The following CCDC146 variants were observed in gnomAD, a reference collection of about 807,000 sequenced individuals.
The protein encoded by CCDC146 is coiled-coil domain containing 146, also known as coiled-coil domain-containing protein 146.
Under a neutral mutation model 119.3 loss-of-function variants are expected in CCDC146, and 92 were observed. The observed-to-expected ratio is 0.77, with a 90% CI of 0.65 to 0.92. CCDC146 has a LOEUF of 0.92. CCDC146 is among the 40% of genes least tolerant of loss of function. CCDC146 has a pLI of 0.00. For missense variants in CCDC146, 1,000 were observed against 1,103.0 expected (o/e 0.91, Z 1.32); for synonymous variants, 372 against 371.8 (o/e 1.00, Z -0.01).
intron 2 of CCDC146, among the ~76,000 whole-genome samples, chr7:77,190,250 T>C (rs569321613): frequency 1.3e-5 from 2 of 152,366 alleles, no homozygotes; most frequent in South Asian, 4.1e-4. Context: ...GACTCAAACA[T>C]GTCTTCTCAA....
At chr7:77,161,803 A>G (rs1325978253) in intron 1 of CCDC146, among the ~76,000 whole-genome samples, 1 of 152,098 alleles carries the variant, frequency 6.6e-6, no homozygotes, top group Non-Finnish European at 1.5e-5. Context: ...TAAAAGAAAA[A>G]AAAATTACTA....
chr7:77,250,423 A>G (rs951550508), intron 4 of CCDC146, among the ~76,000 whole-genome samples: 28 of 152,302 alleles, frequency 1.8e-4, no homozygotes, highest in African/African-American at 6.5e-4. Context: ...TTTCTCCTTT[A>G]CTTTGGAGAA....
chr7:77,178,831 T>G (rs996228828), intron 2 of CCDC146, among the ~76,000 whole-genome samples: 18 of 152,218 alleles, frequency 1.2e-4, no homozygotes, highest in African/African-American at 4.3e-4. Flanking sequence ...TAGGTGAATG[T>G]GCATCTTGTA....
intron 2 of CCDC146, among the ~76,000 whole-genome samples, chr7:77,174,283 G>C (rs1185259387): frequency 6.6e-6 from 1 of 152,128 alleles, no homozygotes; most frequent in African/African-American, 2.4e-5. Flanking sequence ...TTAGTATCCT[G>C]ATGATACAGG....
chr7:77,291,392 A>G (rs1053270966), intron 17 of CCDC146, among the ~76,000 whole-genome samples: 1 of 149,362 alleles, frequency 6.7e-6, no homozygotes, highest in Admixed American at 6.6e-5. Flanking sequence ...AATGCTAAAT[A>G]GCTGATATTA....
intron 2 of CCDC146, among the ~76,000 whole-genome samples, chr7:77,201,806 C>T (rs556357797): frequency 2.3e-3 from 346 of 152,232 alleles, no homozygotes; most frequent in Non-Finnish European, 4.0e-3. Flanking sequence ...TAACTCCTAA[C>T]CTCATTTCTT....
At chr7:77,289,191 C>T (rs1049174663) in intron 17 of CCDC146, among the ~76,000 whole-genome samples, 4 of 152,226 alleles carry the variant, frequency 2.6e-5, no homozygotes, top group Admixed American at 6.5e-5. Context: ...TGCCTTCCTT[C>T]CTTTTGCAAA....
chr7:77,123,786 G>A (rs1790658430), intron 1 of CCDC146, among the ~76,000 whole-genome samples: 1 of 152,124 alleles, frequency 6.6e-6, no homozygotes, highest in Admixed American at 6.5e-5. Context: ...TAAAAATTCA[G>A]TGTTCTCTTA....
At chr7:77,219,803 G>T (rs892906493) in intron 2 of CCDC146, among the ~76,000 whole-genome samples, 2 of 152,094 alleles carry the variant, frequency 1.3e-5, no homozygotes, top group Admixed American at 6.6e-5. Flanking sequence ...CCCCTGAGCC[G>T]CAAAACCAGC....
At chr7:77,220,104 G>A (rs982007147) in intron 2 of CCDC146, among the ~76,000 whole-genome samples, 1 of 152,186 alleles carries the variant, frequency 6.6e-6, no homozygotes, top group Non-Finnish European at 1.5e-5. Context: ...CTGGGGCGCT[G>A]CAGGAGACCA....
intron 11 of CCDC146, 75 bp downstream of exon 11, chr7:77,274,727 T>C: frequency 8.6e-7 from 1 of 1,165,996 alleles, no homozygotes; most frequent in Non-Finnish European, 1.2e-6. Flanking sequence ...CCACGTGCAT[T>C]AGGACATGGA....
At chr7:77,156,370 T>C (rs1791179550) in intron 1 of CCDC146, among the ~76,000 whole-genome samples, 1 of 152,182 alleles carries the variant, frequency 6.6e-6, no homozygotes, top group African/African-American at 2.4e-5. Context: ...TTTTCATTTT[T>C]CCTTTAAGAT....
intron 1 of CCDC146, among the ~76,000 whole-genome samples, chr7:77,132,613 T>C (rs1421890223): frequency 1.3e-5 from 2 of 150,996 alleles, no homozygotes; most frequent in Non-Finnish European, 2.9e-5. Context: ...GGCACACACC[T>C]GTAGTCCCAA....
intron 16 of CCDC146, chr7:77,287,239 G>A: frequency 1.6e-6 from 1 of 608,192 alleles, no homozygotes; most frequent in Non-Finnish European, 2.9e-6. Flanking sequence ...TGATGTGGAT[G>A]TTAGATAGAG....
At chr7:77,206,670 T>TAC (rs1396890817) in intron 2 of CCDC146, among the ~76,000 whole-genome samples, 3 of 133,296 alleles carry the variant, frequency 2.3e-5, no homozygotes, top group East Asian at 2.5e-4. Context: ...TATATATATA[T>TAC]ATACACACAC....
At position 77,241,800 on chromosome 7, in the gene CCDC146, T is replaced by A. The variant is rs1792854791; in HGVS notation, c.349T>A (p.Ser117Thr). 6.2e-7 allele frequency: 1 copy of A among 1,613,902 alleles called. No individual in the cohort carries two copies. Among genetic ancestry groups the A allele is most frequent in the Admixed American group, 1.7e-5 (1 of 59,998 alleles). The part of the protein sequence containing the change: ...QQADNFPEAF[S>T]TEVSKMREQL... ...AGCTGATAATTTTCCAGAAGCATTC[T>A]CCACGGAGGTCTCCAAAATGAGAGA... is the stretch of plus-strand genomic sequence containing the variant. The change falls in exon 4 of 19, where the codon TCC becomes ACC. Residue 117 changes from serine to threonine, a missense_variant. Physicochemically the swap from Ser to Thr is moderately conservative, Grantham distance 58 (BLOSUM62 1). Transcript: ENST00000285871.
intron 4 of CCDC146, among the ~76,000 whole-genome samples, chr7:77,244,031 C>A (rs1166991558): frequency 1.3e-5 from 2 of 152,134 alleles, no homozygotes; most frequent in African/African-American, 4.8e-5. Context: ...ATGCCCACCA[C>A]CATGCCCAGC....
intron 1 of CCDC146, among the ~76,000 whole-genome samples, chr7:77,147,529 G>A (rs765380857): frequency 1.3e-5 from 2 of 152,084 alleles, no homozygotes; most frequent in African/African-American, 4.8e-5. Context: ...TTTTTTCCCT[G>A]TCTTTGTGGT....
chr7:77,276,593 T>G (rs1793645475), intron 11 of CCDC146, among the ~76,000 whole-genome samples: 1 of 152,198 alleles, frequency 6.6e-6, no homozygotes, highest in African/African-American at 2.4e-5. Context: ...TAATCCATGT[T>G]AAACAATTTA....
Sources: gnomAD v4.1 joint callset for allele counts (sites outside exome capture counted in the v4.1 genomes callset) on GRCh38, gnomAD v4.1.1 for gene constraint, MANE v1.5 for transcripts, NCBI Gene and HGNC (gene_info 2026-07-23, HGNC 2026-07-21) for gene names.